DAB1: variants seen among roughly 807,000 people sequenced by gnomAD.
DAB1 encodes the protein DAB adaptor protein 1.
Under a neutral mutation model 64.6 loss-of-function variants are expected in DAB1, and 15 were observed. The observed-to-expected ratio is 0.23, with a 90% CI of 0.16 to 0.36. DAB1 has a LOEUF of 0.36. Ranked by LOEUF, DAB1 falls within the 10% of genes least tolerant of loss-of-function variation. The pLI, the probability that DAB1 is intolerant of heterozygous loss-of-function variation, is 1.00. For synonymous variants in DAB1, 235 were observed against 251.9 expected (o/e 0.93, Z 0.64); for missense variants, 596 against 706.7 (o/e 0.84, Z 1.78).
intron 7 of DAB1, among the ~76,000 whole-genome samples, chr1:57,455,112 T>C (rs1268081484): frequency 2.0e-5 from 3 of 152,012 alleles, no homozygotes; most frequent in Non-Finnish European, 4.4e-5. Flanking sequence ...GGATTTCAGG[T>C]AGAGGGAAAA....
At chr1:57,472,615 C>A (rs1387264116) in intron 7 of DAB1, among the ~76,000 whole-genome samples, 1 of 151,554 alleles carries the variant, frequency 6.6e-6, no homozygotes, top group Non-Finnish European at 1.5e-5. Flanking sequence ...AGCCCCCAGT[C>A]ACATACCCGC....
At chr1:57,235,060 C>T (rs541557266) in intron 2 of DAB1, among the ~76,000 whole-genome samples, 3 of 152,270 alleles carry the variant, frequency 2.0e-5, no homozygotes, top group South Asian at 2.1e-4. Context: ...TGTAACATAA[C>T]GTGATCACTC....
At chr1:57,371,011 C>T (rs532235274) in intron 1 of DAB1, among the ~76,000 whole-genome samples, 1 of 152,208 alleles carries the variant, frequency 6.6e-6, no homozygotes, top group Non-Finnish European at 1.5e-5. Context: ...ATAGAGCCAT[C>T]GCCCTAATTT....
intron 4 of DAB1, among the ~76,000 whole-genome samples, chr1:57,123,892 A>G (rs571523926): frequency 6.6e-6 from 1 of 152,328 alleles, no homozygotes; most frequent in South Asian, 2.1e-4. Flanking sequence ...TTGGGTTTAT[A>G]TCTAAGTGGT....
At chr1:57,541,272 G>A (rs1644800252) in intron 7 of DAB1, among the ~76,000 whole-genome samples, 1 of 152,020 alleles carries the variant, frequency 6.6e-6, no homozygotes. Context: ...GGGACTACAG[G>A]CGCCTGCCAC....
chr1:57,827,436 C>A (rs747360090), intron 1 of DAB1, among the ~76,000 whole-genome samples: 53 of 152,212 alleles, frequency 3.5e-4, no homozygotes, highest in Non-Finnish European at 5.0e-4. Flanking sequence ...CTTAGCCATT[C>A]TGTGACCTTG....
At chr1:58,095,394 T>A (rs1650919976) in intron 5 of DAB1, among the ~76,000 whole-genome samples, 1 of 152,174 alleles carries the variant, frequency 6.6e-6, no homozygotes, top group South Asian at 2.1e-4. Context: ...ATTCTACAGA[T>A]AAGGCACACA....
intron 6 of DAB1, among the ~76,000 whole-genome samples, chr1:57,775,445 A>G (rs1046960805): frequency 8.6e-5 from 13 of 151,626 alleles, no homozygotes; most frequent in Non-Finnish European, 1.3e-4. Flanking sequence ...GCTGCATCCC[A>G]CAAAGCTGAT....
At chr1:57,252,180 G>A (rs767721128) in intron 2 of DAB1, among the ~76,000 whole-genome samples, 2 of 152,086 alleles carry the variant, frequency 1.3e-5, no homozygotes, top group Admixed American at 6.5e-5. Flanking sequence ...CTTCCCTTGC[G>A]CTTAAAAATT....
chr1:57,590,149 T>C (rs1027938880), intron 7 of DAB1, among the ~76,000 whole-genome samples: 10 of 152,174 alleles, frequency 6.6e-5, no homozygotes, highest in Non-Finnish European at 1.5e-4. Context: ...GCTTCTCTCC[T>C]TGGCTTTCAG....
chr1:57,582,834 T>A (rs1183186793), intron 7 of DAB1, among the ~76,000 whole-genome samples: 1 of 152,254 alleles, frequency 6.6e-6, no homozygotes, highest in Non-Finnish European at 1.5e-5. Flanking sequence ...GGATCATGAT[T>A]GGCCAAAGCA....
chr1:58,473,490 C>T (rs940071832), intron 3 of DAB1, among the ~76,000 whole-genome samples: 1 of 151,472 alleles, frequency 6.6e-6, no homozygotes, highest in South Asian at 2.1e-4. Flanking sequence ...TGCAGTGAGC[C>T]GAGATTGTGC....
chr1:58,300,034 A>C (rs138060017), intron 4 of DAB1, among the ~76,000 whole-genome samples: 1 of 152,252 alleles, frequency 6.6e-6, no homozygotes, highest in Non-Finnish European at 1.5e-5. Flanking sequence ...TTGCTAAAAG[A>C]AAGGGTCACG....
At chr1:58,373,530 C>T (rs1644291208) in intron 3 of DAB1, among the ~76,000 whole-genome samples, 1 of 151,414 alleles carries the variant, frequency 6.6e-6, no homozygotes, top group African/African-American at 2.4e-5. Flanking sequence ...GCATAGTATT[C>T]CATGGTGTAT....
At chr1:58,424,157 A>C (rs1332825097) in intron 3 of DAB1, among the ~76,000 whole-genome samples, 1 of 152,158 alleles carries the variant, frequency 6.6e-6, no homozygotes, top group African/African-American at 2.4e-5. Context: ...AGGAAGAGCT[A>C]CCATTTTCGT....
intron 5 of DAB1, among the ~76,000 whole-genome samples, chr1:58,076,095 G>A (rs1649623716): frequency 6.6e-6 from 1 of 152,160 alleles, no homozygotes; most frequent in Non-Finnish European, 1.5e-5. Flanking sequence ...AGGAAATAGT[G>A]AGGTGGGCAT....
At chr1:57,463,174 C>A (rs1400864303) in intron 7 of DAB1, among the ~76,000 whole-genome samples, 1 of 152,194 alleles carries the variant, frequency 6.6e-6, no homozygotes, top group African/African-American at 2.4e-5. Flanking sequence ...CACTTACCAA[C>A]TGTTCTACCC....
chr1:57,681,795 A>G (rs1646638928), intron 6 of DAB1, among the ~76,000 whole-genome samples: 1 of 152,150 alleles, frequency 6.6e-6, no homozygotes, highest in Non-Finnish European at 1.5e-5. Flanking sequence ...CATGCTTGGG[A>G]AAGTAAGTGT....
intron 6 of DAB1, among the ~76,000 whole-genome samples, chr1:57,666,705 C>T (rs1025694529): frequency 3.3e-5 from 5 of 152,122 alleles, no homozygotes; most frequent in Non-Finnish European, 7.4e-5. Flanking sequence ...CACTTCTCAC[C>T]ATTTCTCATG....
Sources: allele counts gnomAD v4.1 joint callset (sites outside exome capture counted in the v4.1 genomes callset), GRCh38; gene constraint gnomAD v4.1.1; transcripts MANE v1.5; gene names NCBI Gene and HGNC (gene_info 2026-07-23, HGNC 2026-07-21).